TBL1X: variants seen among roughly 807,000 people sequenced by gnomAD.
TBL1X encodes the protein transducin beta like 1 X-linked, also known as F-box-like/WD repeat-containing protein TBL1X.
In TBL1X, 10 loss-of-function variants were observed where a neutral mutation model predicts 50.7. The ratio of observed to expected loss-of-function variants is 0.20; its 90% CI spans 0.12 to 0.33. TBL1X has a LOEUF of 0.33. TBL1X is among the 10% of genes least tolerant of loss of function. The pLI is 1.00. For synonymous variants in TBL1X, 190 were observed against 214.7 expected (o/e 0.88, Z 1.01); for missense variants, 340 against 504.4 (o/e 0.67, Z 3.12).
intron 2 of TBL1X, among the ~76,000 whole-genome samples, chrX:9,615,647 CT>C (rs1483108649): frequency 8.9e-6 from 1 of 112,276 alleles, no homozygotes; most frequent in East Asian, 2.8e-4. Context: ...AGTCCTCTTT[CT>C]TTTTCCACAG....
intron 2 of TBL1X, among the ~76,000 whole-genome samples, chrX:9,595,103 C>G (rs1380717358): frequency 1.8e-5 from 2 of 112,064 alleles, no homozygotes; most frequent in Admixed American, 1.9e-4. Context: ...CTCTGCAGAG[C>G]CAGCGCCACT....
intron 1 of TBL1X, among the ~76,000 whole-genome samples, chrX:9,495,759 C>T (rs898922244): frequency 1.8e-5 from 2 of 111,937 alleles, no homozygotes; most frequent in Non-Finnish European, 3.8e-5. Flanking sequence ...GACAGCACTG[C>T]AGCATCTGGG....
At chrX:9,629,642 CAT>C (rs1416787349) in intron 2 of TBL1X, among the ~76,000 whole-genome samples, 4 of 111,493 alleles carry the variant, frequency 3.6e-5, no homozygotes, top group African/African-American at 1.3e-4. Flanking sequence ...ATGCCTGGCT[CAT>C]GTACTTGTTC....
At chrX:9,573,798 G>A (rs1369439513) in intron 2 of TBL1X, among the ~76,000 whole-genome samples, 4 of 112,957 alleles carry the variant, frequency 3.5e-5, no homozygotes, top group African/African-American at 1.3e-4. Context: ...AGCAGCCTAC[G>A]CTGGGCATGG....
intron 5 of TBL1X, among the ~76,000 whole-genome samples, chrX:9,663,778 AAAGG>A (rs1326047513): frequency 1.8e-5 from 2 of 109,646 alleles, no homozygotes; most frequent in African/African-American, 3.3e-5. Context: ...AAAAAAAAAA[AAAGG>A]AAGAAGATTG....
At chrX:9,555,439 C>G (rs370031064) in intron 2 of TBL1X, among the ~76,000 whole-genome samples, 16 of 111,468 alleles carry the variant, frequency 1.4e-4, no homozygotes, top group East Asian at 8.4e-4. Context: ...TAGATTGATT[C>G]ATCAGTTTAT....
intron 1 of TBL1X, among the ~76,000 whole-genome samples, chrX:9,477,658 C>G (rs2081856757): frequency 8.9e-6 from 1 of 112,197 alleles, no homozygotes; most frequent in African/African-American, 3.2e-5. Flanking sequence ...AGTCAGTTTT[C>G]TTAAACATTG....
intron 2 of TBL1X, among the ~76,000 whole-genome samples, chrX:9,538,666 G>A (rs1347378764): frequency 1.8e-5 from 2 of 112,336 alleles, no homozygotes; most frequent in African/African-American, 3.2e-5. Flanking sequence ...TTCTTGTACC[G>A]AAGGGTGAGG....
At chrX:9,684,795 G>C (rs2083047638) in intron 6 of TBL1X, among the ~76,000 whole-genome samples, 1 of 111,708 alleles carries the variant, frequency 9.0e-6, no homozygotes, top group African/African-American at 3.3e-5. Flanking sequence ...AAAAAGATAC[G>C]GCAGATCTTC....
At chrX:9,652,266 G>A (rs2082839638) in intron 3 of TBL1X, among the ~76,000 whole-genome samples, 1 of 111,825 alleles carries the variant, frequency 8.9e-6, no homozygotes, top group African/African-American at 3.3e-5. Flanking sequence ...AGGGAGTGGT[G>A]CCCCATCTCC....
intron 2 of TBL1X, among the ~76,000 whole-genome samples, chrX:9,604,484 A>G (rs7888363): frequency 0.028 from 3,060 of 109,775 alleles, 98 homozygotes; most frequent in African/African-American, 0.096. Flanking sequence ...GCAGGACTTG[A>G]TCTGGGTTGT....
At chrX:9,545,360 G>A (rs1240227439) in intron 2 of TBL1X, among the ~76,000 whole-genome samples, 1 of 109,988 alleles carries the variant, frequency 9.1e-6, no homozygotes, top group Non-Finnish European at 1.9e-5. Flanking sequence ...TGGACAAATA[G>A]CAAAATCCCA....
In TBL1X at chrX:9,654,263, A is replaced by G; in HGVS notation, c.152A>G (p.Lys51Arg). The G allele has an allele frequency of 8.3e-7, 1 of 1,211,156 alleles. No individual in the cohort carries two copies. The highest frequency in any genetic ancestry group is 1.1e-6 in the Non-Finnish European group (1 of 895,536). ...ACCTCATCGCCGCGAGGTGAGGCTA[A>G]GATGAGCATAACCAGTGACGAGGTG... ...INTSSPRGEA[K>R]MSITSDEVNF... The change falls in exon 5 of 18, where the codon AAG (lysine) becomes AGG (arginine). Residue 51 changes from lysine to arginine, a missense_variant. Coordinates refer to ENST00000645353, the MANE Select transcript of TBL1X (RefSeq NM_005647.4).
chrX:9,480,809 CT>C (rs1420447676), intron 1 of TBL1X, among the ~76,000 whole-genome samples: 3 of 86,490 alleles, frequency 3.5e-5, no homozygotes, highest in Non-Finnish European at 6.3e-5. Flanking sequence ...ATATTAAATA[CT>C]GTAAAGTCCA....
intron 2 of TBL1X, among the ~76,000 whole-genome samples, chrX:9,550,212 G>T (rs1167330082): frequency 1.9e-5 from 2 of 107,701 alleles, no homozygotes; most frequent in Non-Finnish European, 3.8e-5. Flanking sequence ...GGGGGTGTAG[G>T]GGGTGGGGAG....
chrX:9,536,855 A>ATTTTCTCC (rs1399537587), intron 2 of TBL1X, among the ~76,000 whole-genome samples: 2 of 111,340 alleles, frequency 1.8e-5, no homozygotes, highest in African/African-American at 6.5e-5. Context: ...TCATAGAGAC[A>ATTTTCTCC]TTTTCTCCTC....
At chrX:9,708,842 C>T (rs1025468088) in intron 13 of TBL1X, among the ~76,000 whole-genome samples, 2 of 111,279 alleles carry the variant, frequency 1.8e-5, no homozygotes, top group Non-Finnish European at 3.8e-5. Context: ...CACTCCAGCC[C>T]GGGAGACAGA....
chrX:9,679,791 T>C (rs1455708047), intron 5 of TBL1X, among the ~76,000 whole-genome samples: 1 of 111,734 alleles, frequency 8.9e-6, no homozygotes, highest in Non-Finnish European at 1.9e-5. Flanking sequence ...GGTGAGATGC[T>C]GGCAGGTGTG....
chrX:9,594,550 C>A (rs2082518320), intron 2 of TBL1X, among the ~76,000 whole-genome samples: 1 of 112,115 alleles, frequency 8.9e-6, no homozygotes, highest in Non-Finnish European at 1.9e-5. Flanking sequence ...AGGAACTTAT[C>A]CCCTGGCCAT....
Sources: allele counts gnomAD v4.1 joint callset (sites outside exome capture counted in the v4.1 genomes callset), GRCh38; gene constraint gnomAD v4.1.1; transcripts MANE v1.5; gene names NCBI Gene and HGNC (gene_info 2026-07-23, HGNC 2026-07-21).